AMPD1: variants seen among roughly 807,000 people sequenced by gnomAD.
AMPD1 encodes adenosine monophosphate deaminase 1.
AMPD1 carries 74 observed loss-of-function variants against 82.9 expected under a neutral mutation model. That is an observed-to-expected ratio of 0.89 (90% confidence interval 0.74 to 1.08). The LOEUF (loss-of-function observed/expected upper bound fraction) is 1.08, where lower values mean the gene tolerates loss of function less well. Among genes scored for constraint, AMPD1 ranks in the 50% least tolerant of loss-of-function variants. The pLI, the probability that AMPD1 is intolerant of heterozygous loss-of-function variation, is 0.00. For synonymous variants in AMPD1, 333 were observed against 320.5 expected (o/e 1.04, Z -0.42); for missense variants, 881 against 924.5 (o/e 0.95, Z 0.61).
Position 114,695,492 on chromosome 1 carries a change from C to G in AMPD1, c.-21G>C. Reference sequence around the variant, plus strand: ...GGCATTGTTGCTGAAATCCTTGATTCTAGGATAGCACAGTAGAAAAGAAGA... The same window carrying G: ...GGCATTGTTGCTGAAATCCTTGATTGTAGGATAGCACAGTAGAAAAGAAGA... On this transcript the variant is annotated 5_prime_UTR_variant, in exon 1 of 16. Transcript: ENST00000520113. 6.2e-7 allele frequency: 1 copy of G among 1,613,778 alleles called. No homozygotes were observed. Among genetic ancestry groups the G allele is most frequent in the Non-Finnish European group, 8.5e-7 (1 of 1,179,976 alleles).
In AMPD1 at chr1:114,684,241, T is replaced by C. The variant is rs1301192793; in HGVS notation, c.505A>G (p.Ile169Val). The C allele has an allele frequency of 1.2e-6, 2 of 1,614,184 alleles. No homozygotes were observed. The highest frequency in any genetic ancestry group is 4.5e-5 in the East Asian group (2 of 44,886). The change falls in exon 5 of 16, where the codon ATT (isoleucine) becomes GTT (valine). Residue 169 changes from isoleucine to valine, a missense_variant. Transcript: ENST00000520113. ...TTTGCTACCCAAGCCTCACCATCAA[T>C]GTTCCGCAAGTATTTGGAAGGGGTT... The part of the protein sequence containing the change: ...PKTPSKYLRN[I>V]DGEAWVANES...
chr1:114,684,475 C>T (rs1205912367), intron 4 of AMPD1, 111 bp from the exon 5 acceptor site: 1 of 1,118,314 alleles, frequency 8.9e-7, no homozygotes, highest in African/African-American at 1.5e-5. Flanking sequence ...GCAGCCCATT[C>T]TGAGACTCAC....
At chr1:114,688,460 T>C in intron 3 of AMPD1, 101 bp downstream of exon 3, 1 of 1,375,624 alleles carries the variant, frequency 7.3e-7, no homozygotes, top group Non-Finnish European at 1.0e-6. Context: ...GAGTTCTTCC[T>C]CTGAGTTGAA....
intron 1 of AMPD1, 140 bp downstream of exon 1, chr1:114,695,310 T>A: frequency 1.5e-6 from 2 of 1,312,038 alleles, no homozygotes; most frequent in Non-Finnish European, 1.1e-6. Flanking sequence ...ATATTTTGTG[T>A]TTTCCTGAAA....
At chr1:114,694,444 T>TA (rs1221478478) in intron 1 of AMPD1, among the ~76,000 whole-genome samples, 5 of 151,402 alleles carry the variant, frequency 3.3e-5, no homozygotes, top group East Asian at 1.9e-4. Context: ...AGTGCCTTTT[T>TA]AAAAAAAACT....
chr1:114,677,357 C>A lies in AMPD1; in HGVS notation c.1382G>T (p.Arg461Met). The change falls in exon 10 of 16, where the codon AGG becomes ATG. Residue 461 changes from arginine (R) to methionine (M), a missense_variant. By Grantham distance (91) the Arg-to-Met change is moderately conservative (BLOSUM62 -1). Transcript: ENST00000520113. Reference sequence around the variant, plus strand: ...CTGATGGGCAGGTACATACTAGATCCTGGGAACCTGGATCATCCATGTCAT... The same window carrying A: ...CTGATGGGCAGGTACATACTAGATCATGGGAACCTGGATCATCCATGTCAT... Reference protein sequence around the residue: ...PNMTWMIQVPRIYDVFRSKNF... With the variant: ...PNMTWMIQVPMIYDVFRSKNF... 1 of 1,609,960 alleles carries A rather than the reference C, an allele frequency of 6.2e-7. No homozygotes were observed. The highest frequency in any genetic ancestry group is 2.2e-5 in the East Asian group (1 of 44,760).
In AMPD1 at chr1:114,694,218, AAAAAAC is replaced by A. The variant is rs566751722; in HGVS notation, c.23-777_23-772del. Among the ~76,000 whole-genome samples the A allele has an allele frequency of 5.7e-3, 873 of 152,146 alleles. 7 individuals carry two copies. The highest frequency in any genetic ancestry group is 0.02 in the African/African-American group (821 of 41,484). ...GTGACAGAGCGAGACTCTGTCTCTA[AAAAAAC>A]AAAAACAAAAACAAAAACGAACAAA... On this transcript the variant is annotated intron_variant, in intron 1 of 15. Coordinates refer to ENST00000520113, the MANE Select transcript of AMPD1 (RefSeq NM_000036.3).
In AMPD1 at chr1:114,675,662, G is replaced by C. The variant is rs766515907; in HGVS notation, c.1547C>G (p.Ser516Cys). Residue 516 changes from serine to cysteine, a missense_variant, in exon 12 of 16, where the codon TCC becomes TGC. Ser to Cys is a moderately radical substitution (Grantham distance 112, BLOSUM62 -1). Transcript: ENST00000520113. ...ITGFDSVDDE[S>C]KHSGHMFSSK... ...GGAGAACATGTGGCCACTGTGTTTG[G>C]ACTCATCATCCACACTGTCAAAGCC... 1 of 1,614,158 alleles carries C rather than the reference G, an allele frequency of 6.2e-7. No homozygotes were observed. Among genetic ancestry groups the C allele is most frequent in the Non-Finnish European group, 8.5e-7 (1 of 1,180,030 alleles).
chr1:114,674,679 A>G, intron 13 of AMPD1, 73 bp downstream of exon 13: 3 of 1,532,074 alleles, frequency 2.0e-6, no homozygotes, highest in Non-Finnish European at 2.7e-6. Flanking sequence ...GACTTGTGAC[A>G]GTATGGTTGG....
In AMPD1 at chr1:114,680,329, G is replaced by A. The variant is rs749303395; in HGVS notation, c.697C>T (p.Pro233Ser). Residue 233 changes from proline (P) to serine (S), a missense_variant, in exon 6 of 16, where the codon CCT becomes TCT. Physicochemically the swap from Pro to Ser is moderately conservative, Grantham distance 74 (BLOSUM62 -1). Coordinates refer to ENST00000520113, the MANE Select transcript of AMPD1 (RefSeq NM_000036.3). ...AAGAAGGTGTCCAGATTTGGGTAAG[G>A]AAGTGGCTTAGGCTCATCTTTGCTG... Reference protein sequence around the residue: ...AVSKDEPKPLPYPNLDTFLDD... With the variant: ...AVSKDEPKPLSYPNLDTFLDD... The A allele has an allele frequency of 1.9e-6, 3 of 1,614,188 alleles. No homozygotes were observed. Among genetic ancestry groups the A allele is most frequent in the East Asian group, 2.2e-5 (1 of 44,878 alleles).
chr1:114,682,617 C>T (rs56222444), intron 5 of AMPD1, among the ~76,000 whole-genome samples: 6,261 of 148,994 alleles, frequency 0.042, 190 homozygotes, highest in Non-Finnish European at 0.064. Flanking sequence ...CTCCCTCTGT[C>T]GCCCAGGCTG....
rs569280426 is a variant in AMPD1 at position 114,675,599 on chromosome 1, T to C, written c.1610A>G (p.Lys537Arg). ...GGCATAGTAAGTGTAAGATGGATTC[T>C]TTTCCAATGTCCACTCCTGGGGCTT... ...SPKPQEWTLE[K>R]NPSYTYYAYY... The change falls in exon 12 of 16, where the codon AAG becomes AGG. Residue 537 changes from lysine (K) to arginine (R), a missense_variant. Transcript: ENST00000520113. 2 of 1,614,244 alleles carry C rather than the reference T, an allele frequency of 1.2e-6. No individual in the cohort carries two copies. Among genetic ancestry groups the C allele is most frequent in the Admixed American group, 1.7e-5 (1 of 60,032 alleles).
chr1:114,677,835 T>TTCCTTCCG, intron 9 of AMPD1, 75 bp downstream of exon 9: 1 of 1,265,330 alleles, frequency 7.9e-7, no homozygotes, highest in Non-Finnish European at 1.1e-6. Context: ...CCTTCCTTCC[T>TTCCTTCCG]TCCTTCCTTC....
chr1:114,684,575 C>T (rs1658258146), intron 4 of AMPD1: 4 of 609,218 alleles, frequency 6.6e-6, no homozygotes, highest in Non-Finnish European at 1.2e-5. Context: ...TTATTTCTAC[C>T]AAACTTACCT....
At chr1:114,681,593 CAAA>C (rs59385008) in intron 5 of AMPD1, among the ~76,000 whole-genome samples, 16 of 103,898 alleles carry the variant, frequency 1.5e-4, no homozygotes, top group Admixed American at 2.0e-4. Flanking sequence ...GACTCCATCT[CAAA>C]AAAAAAAAAA....
intron 12 of AMPD1, 87 bp downstream of exon 12, chr1:114,675,443 T>C: frequency 2.1e-6 from 3 of 1,408,592 alleles, no homozygotes; most frequent in Non-Finnish European, 3.0e-6. Context: ...CAGTAATGCA[T>C]GAGGCCCCTG....
In AMPD1 at chr1:114,687,585, G is replaced by C. The variant is rs575810746; in HGVS notation, c.216-675C>G. ...CCCCATGAAGCTGGTGGGATGGGGGGAGGACCTAAGGAGGGGGTTCCAGCA... is the reference window on the plus strand; with the variant it reads ...CCCCATGAAGCTGGTGGGATGGGGGCAGGACCTAAGGAGGGGGTTCCAGCA... On this transcript the variant is annotated intron_variant, in intron 3 of 15. Transcript: ENST00000520113. 5.3e-5 allele frequency among the ~76,000 whole-genome samples: 8 copies of C among 152,240 alleles called. No homozygotes were observed. The East Asian group carries it at 1.4e-3, about 26-fold the overall frequency.
At chr1:114,681,829 A>AT (rs2101718006) in intron 5 of AMPD1, among the ~76,000 whole-genome samples, 1 of 152,324 alleles carries the variant, frequency 6.6e-6, no homozygotes, top group East Asian at 1.9e-4. Flanking sequence ...CCACCCTTAT[A>AT]GTATCATACA....
intron 5 of AMPD1, chr1:114,683,244 T>C (rs1188402372): frequency 1.1e-5 from 4 of 366,794 alleles, no homozygotes; most frequent in East Asian, 8.8e-5. Context: ...TCTTGAAAGA[T>C]TGGGTTGGCT....
Sources: allele counts gnomAD v4.1 joint callset (sites outside exome capture counted in the v4.1 genomes callset), GRCh38; gene constraint gnomAD v4.1.1; transcripts MANE v1.5; gene names NCBI Gene and HGNC (gene_info 2026-07-23, HGNC 2026-07-21).